Variants in WFDC10A observed in about 807,000 individuals in gnomAD.
WFDC10A encodes the protein WAP four-disulfide core domain 10A.
In WFDC10A, 2 loss-of-function variants were observed where a neutral mutation model predicts 2.6. The ratio of observed to expected loss-of-function variants is 0.76; its 90% CI spans 0.31 to 2.40. The LOEUF (loss-of-function observed/expected upper bound fraction) is 2.40. WFDC10A is among the 30% of genes most tolerant of loss of function. The pLI, the probability that WFDC10A is intolerant of heterozygous loss-of-function variation, is 0.12. For missense variants in WFDC10A, 84 were observed against 91.8 expected (o/e 0.92, Z 0.35); for synonymous variants, 36 against 36.3 (o/e 0.99, Z 0.03).
intron 1 of WFDC10A, 58 bp from the exon 2 acceptor site, chr20:45,630,812 T>G: frequency 6.6e-7 from 1 of 1,504,930 alleles, no homozygotes; most frequent in Non-Finnish European, 8.9e-7. Context: ...AGGCTTCAGC[T>G]TGAGAAAAAT....
At position 45,631,183 on chromosome 20, in the gene WFDC10A, C is replaced by G; in HGVS notation, c.*165C>G. The stretch of plus-strand genomic sequence containing the variant: ...CTTGTCCCTGTCAAATAAACCAGAA[C>G]AAATGCCCAGGGATCCTACCTCTTT... On this transcript the variant is annotated 3_prime_UTR_variant, in exon 2 of 2. Coordinates refer to ENST00000372643, the MANE Select transcript of WFDC10A (RefSeq NM_080753.3). 2.8e-6 allele frequency: 2 copies of G among 702,796 alleles called. No individual in the cohort carries two copies. The highest frequency in any genetic ancestry group is 2.1e-6 in the Non-Finnish European group (1 of 486,278). 43.5% of individuals were successfully genotyped at this position (702,796 alleles called of 1,614,324 possible).
Position 45,630,764 on chromosome 20 carries a change from G to A in WFDC10A, c.92-106G>A. On this transcript the variant is annotated intron_variant, in intron 1 of 1. Transcript: ENST00000372643. ...AGTTCTATGAAGAAGGAATCCAGGA[G>A]TATCATGACTGAGACCTGGGTTCAA... The A allele has an allele frequency of 2.4e-6, 3 of 1,239,740 alleles. 1 individual carries two copies. Among genetic ancestry groups the A allele is most frequent in the Middle Eastern group, 4.0e-4 (2 of 5,054 alleles). 76.8% of individuals were successfully genotyped at this position (1,239,740 alleles called of 1,614,324 possible).
rs1487322 is a variant in WFDC10A at position 45,631,034 on chromosome 20, G to A, written c.*16G>A. On this transcript the variant is annotated 3_prime_UTR_variant, in exon 2 of 2. Transcript: ENST00000372643. ...CATCCTGTGAGTGGGAGAGTGGGCT[G>A]GGATGTGCATCCTGCTTCCCAACTC... is the stretch of plus-strand genomic sequence containing the variant. 6 of 1,578,744 alleles carry A rather than the reference G, an allele frequency of 3.8e-6. No homozygotes were observed. Among genetic ancestry groups the A allele is most frequent in the Non-Finnish European group, 5.2e-6 (6 of 1,162,958 alleles).
At position 45,629,841 on chromosome 20, in the gene WFDC10A, C is replaced by G. The variant is rs901820478; in HGVS notation, c.28C>G (p.Leu10Val). 1.2e-6 allele frequency: 2 copies of G among 1,614,004 alleles called. No homozygotes were observed. Among genetic ancestry groups the G allele is most frequent in the Non-Finnish European group, 1.7e-6 (2 of 1,179,998 alleles). ...GGCACCCCAGACTCTGCTGCCTGTC[C>G]TGGTTCTCTGTGTGCTGCTGCTGCA... is the stretch of plus-strand genomic sequence containing the variant. MAPQTLLPV[L>V]VLCVLLLQAQ... Residue 10 changes from leucine (L) to valine (V), a missense_variant, in exon 1 of 2, where the codon CTG (leucine) becomes GTG (valine). Transcript: ENST00000372643.
chr20:45,629,850 T>C lies in WFDC10A; in HGVS notation c.37T>C (p.Cys13Arg). ...GACTCTGCTGCCTGTCCTGGTTCTC[T>C]GTGTGCTGCTGCTGCAGGCCCAGGG... ...PQTLLPVLVL[C>R]VLLLQAQGGY... The change falls in exon 1 of 2, where the codon TGT becomes CGT. Residue 13 changes from cysteine to arginine, a missense_variant. Physicochemically the swap from Cys to Arg is radical, Grantham distance 180 (BLOSUM62 -3). Transcript: ENST00000372643. The C allele has an allele frequency of 6.2e-7, 1 of 1,614,036 alleles. No homozygotes were observed. Among genetic ancestry groups the C allele is most frequent in the Non-Finnish European group, 8.5e-7 (1 of 1,179,978 alleles).
At position 45,629,838 on chromosome 20, in the gene WFDC10A, G is replaced by A; in HGVS notation, c.25G>A (p.Val9Ile). 1.9e-6 allele frequency: 3 copies of A among 1,614,040 alleles called. No individual in the cohort carries two copies. The highest frequency in any genetic ancestry group is 2.5e-6 in the Non-Finnish European group (3 of 1,179,982). ...CATGGCACCCCAGACTCTGCTGCCT[G>A]TCCTGGTTCTCTGTGTGCTGCTGCT... Reference protein sequence around the residue: MAPQTLLPVLVLCVLLLQA... With the variant: MAPQTLLPILVLCVLLLQA... Residue 9 changes from valine (V) to isoleucine (I), a missense_variant, in exon 1 of 2, where the codon GTC becomes ATC. Transcript: ENST00000372643.
chr20:45,630,371 G>T (rs1982331560), intron 1 of WFDC10A, among the ~76,000 whole-genome samples: 1 of 152,112 alleles, frequency 6.6e-6, no homozygotes, highest in Admixed American at 6.5e-5. Context: ...CATCAAAGGG[G>T]CAAGGAGAGT....
In WFDC10A at chr20:45,629,831, G is replaced by A. The variant is rs1982312248; in HGVS notation, c.18G>A (p.Leu6=). ...TCAGAGTCATGGCACCCCAGACTCT[G>A]CTGCCTGTCCTGGTTCTCTGTGTGC... is the stretch of plus-strand genomic sequence containing the variant. MAPQT[L]LPVLVLCVLL... Residue 6 remains leucine (L), a synonymous_variant, in exon 1 of 2, where the codon CTG becomes CTA. Transcript: ENST00000372643. The A allele has an allele frequency of 1.9e-6, 3 of 1,613,920 alleles. No homozygotes were observed. Among genetic ancestry groups the A allele is most frequent in the Non-Finnish European group, 2.5e-6 (3 of 1,179,956 alleles).
rs1354981492 is a variant in WFDC10A at position 45,630,883 on chromosome 20, C to A, written c.105C>A (p.Ser35=). 6.2e-7 allele frequency: 1 copy of A among 1,601,358 alleles called. No homozygotes were observed. The highest frequency in any genetic ancestry group is 1.1e-5 in the South Asian group (1 of 88,978). ...DKKRMQKTQL[S]PEIKVCQQQP... ...TCTCCTTGTCAGAAACACAGCTATC[C>A]CCAGAAATCAAAGTCTGCCAGCAGC... The change falls in exon 2 of 2, where the codon TCC becomes TCA. Residue 35 remains serine, a synonymous_variant. Transcript: ENST00000372643.
In WFDC10A at chr20:45,631,000, T is replaced by C. The variant is rs968466032; in HGVS notation, c.222T>C (p.Val74=). The C allele has an allele frequency of 6.2e-6, 10 of 1,602,632 alleles. No homozygotes were observed. The highest frequency in any genetic ancestry group is 1.7e-4 in the Middle Eastern group (1 of 6,008). The part of the protein sequence containing the change: ...NICCSTYCGN[V]CMSIL ...GCTGTTCTACCTACTGTGGGAATGT[T>C]TGCATGAGCATCCTGTGAGTGGGAG... The change falls in exon 2 of 2, where the codon GTT becomes GTC. Residue 74 remains valine (V), a synonymous_variant. Coordinates refer to ENST00000372643, the MANE Select transcript of WFDC10A (RefSeq NM_080753.3).
Position 45,629,739 on chromosome 20 carries a change from A to T in WFDC10A, c.-75A>T. ...AGATCATTCCTTCTTTCCTTCCTTC[A>T]CTCTCCGTAGACAGCTCTGCAGGGA... On this transcript the variant is annotated 5_prime_UTR_variant, in exon 1 of 2. Coordinates refer to ENST00000372643, the MANE Select transcript of WFDC10A (RefSeq NM_080753.3). 6.5e-7 allele frequency: 1 copy of T among 1,535,608 alleles called. No homozygotes were observed. Among genetic ancestry groups the T allele is most frequent in the East Asian group, 2.4e-5 (1 of 41,938 alleles).
At position 45,629,897 on chromosome 20, in the gene WFDC10A, G is replaced by T. The variant is rs1982314643; in HGVS notation, c.84G>T (p.Arg28Ser). ...QAQGGYRDKK[R>S]MQKTQLSPEI... ...AGGGAGGATACCGTGACAAGAAGAGGATGCAGAGTAGGTGATGGGCTGCTG... is the reference window on the plus strand; with the variant it reads ...AGGGAGGATACCGTGACAAGAAGAGTATGCAGAGTAGGTGATGGGCTGCTG... The change falls in exon 1 of 2, where the codon AGG becomes AGT. Residue 28 changes from arginine to serine, a missense_variant. Coordinates refer to ENST00000372643, the MANE Select transcript of WFDC10A (RefSeq NM_080753.3). 6.2e-7 allele frequency: 1 copy of T among 1,613,566 alleles called. No individual in the cohort carries two copies. Among genetic ancestry groups the T allele is most frequent in the African/African-American group, 1.3e-5 (1 of 74,886 alleles).
At chr20:45,630,291 G>A (rs1368064719) in intron 1 of WFDC10A, among the ~76,000 whole-genome samples, 1 of 152,054 alleles carries the variant, frequency 6.6e-6, no homozygotes, top group Non-Finnish European at 1.5e-5. Flanking sequence ...GTGTAGAATG[G>A]GTATAAGTGT....
chr20:45,630,020 C>T, intron 1 of WFDC10A, 116 bp downstream of exon 1: 1 of 1,411,336 alleles, frequency 7.1e-7, no homozygotes, highest in Non-Finnish European at 9.6e-7. Flanking sequence ...CAGCTCTGAC[C>T]ACAATGTTGT....
rs1378460442 is a variant in WFDC10A, at chr20:45,631,061, T to C, written c.*43T>C. The C allele has an allele frequency of 6.4e-7, 1 of 1,558,550 alleles. No individual in the cohort carries two copies. The highest frequency in any genetic ancestry group is 8.7e-7 in the Non-Finnish European group (1 of 1,154,256). ...GATGTGCATCCTGCTTCCCAACTCC[T>C]CTATCCAAGACTGTGCCCACATCCG... On this transcript the variant is annotated 3_prime_UTR_variant, in exon 2 of 2. Transcript: ENST00000372643.
chr20:45,630,046 TCC>T, intron 1 of WFDC10A, 142 bp downstream of exon 1: 2 of 1,192,024 alleles, frequency 1.7e-6, no homozygotes, highest in South Asian at 3.4e-5. Context: ...CTCTGGACTG[TCC>T]CTAAACCATG....
At position 45,629,866 on chromosome 20, in the gene WFDC10A, A is replaced by G. The variant is rs754675645; in HGVS notation, c.53A>G (p.Gln18Arg). The change falls in exon 1 of 2, where the codon CAG (glutamine) becomes CGG (arginine). Residue 18 changes from glutamine (Q) to arginine (R), a missense_variant. Coordinates refer to ENST00000372643, the MANE Select transcript of WFDC10A (RefSeq NM_080753.3). The part of the protein sequence containing the change: ...PVLVLCVLLL[Q>R]AQGGYRDKKR... ...CTGGTTCTCTGTGTGCTGCTGCTGC[A>G]GGCCCAGGGAGGATACCGTGACAAG... 1 of 1,614,006 alleles carries G rather than the reference A, an allele frequency of 6.2e-7. No homozygotes were observed. The highest frequency in any genetic ancestry group is 8.5e-7 in the Non-Finnish European group (1 of 1,179,980).
intron 1 of WFDC10A, 124 bp from the exon 2 acceptor site, chr20:45,630,746 T>C (rs757347675): frequency 4.5e-6 from 5 of 1,115,840 alleles, no homozygotes; most frequent in South Asian, 1.8e-5. Flanking sequence ...GGTAGTTCTA[T>C]GAAGAAGGAA....
Position 45,631,159 on chromosome 20 carries a change from T to C in WFDC10A, c.*141T>C. ...CCGCCCTCTCTACTGTCTGAACCCC[T>C]TGTCCCTGTCAAATAAACCAGAACA... On this transcript the variant is annotated 3_prime_UTR_variant, in exon 2 of 2. Transcript: ENST00000372643. The C allele has an allele frequency of 1.1e-6, 1 of 937,750 alleles. No homozygotes were observed. The highest frequency in any genetic ancestry group is 1.5e-6 in the Non-Finnish European group (1 of 685,144). 58.1% of individuals were successfully genotyped at this position (937,750 alleles called of 1,614,324 possible).
Sources: gnomAD v4.1 joint callset for allele counts (sites outside exome capture counted in the v4.1 genomes callset) on GRCh38, gnomAD v4.1.1 for gene constraint, MANE v1.5 for transcripts, NCBI Gene and HGNC (gene_info 2026-07-23, HGNC 2026-07-21) for gene names.